TTI1: variants seen among roughly 807,000 people sequenced by gnomAD.
TTI1 encodes TELO2 interacting protein 1, also known as TELO2-interacting protein 1 homolog.
TTI1 carries 52 observed loss-of-function variants against 85.4 expected under a neutral mutation model. That is an observed-to-expected ratio of 0.61 (90% CI 0.49 to 0.77). TTI1 has a LOEUF of 0.77. Among genes scored for constraint, TTI1 ranks in the 30% least tolerant of loss-of-function variants. TTI1 has a pLI of 0.00. For synonymous variants in TTI1, 512 were observed against 503.9 expected, an observed-to-expected ratio of 1.02 and a Z score of -0.22; for missense variants, 1,173 against 1,296.0, an observed-to-expected ratio of 0.91 and a Z score of 1.46.
intron 2 of TTI1, among the ~76,000 whole-genome samples, chr20:38,010,945 TA>T (rs2073577530): frequency 6.6e-6 from 1 of 152,216 alleles, no homozygotes; most frequent in Non-Finnish European, 1.5e-5. Flanking sequence ...TAAAATTAAG[TA>T]AAATATAGAA....
intron 1 of TTI1, among the ~76,000 whole-genome samples, chr20:38,027,923 C>CA (rs887975125): frequency 5.4e-5 from 8 of 149,136 alleles, no homozygotes; most frequent in African/African-American, 9.9e-5. Flanking sequence ...GGCTCCATCT[C>CA]AAAAAAAAAG....
chr20:37,983,674 CAG>C, intron 7 of TTI1, 35 bp from the exon 8 acceptor site: 2 of 1,453,708 alleles, frequency 1.4e-6, no homozygotes, highest in Non-Finnish European at 1.8e-6. Context: ...GTAGAGGGTA[CAG>C]AGAGGGAAGG....
intron 2 of TTI1, among the ~76,000 whole-genome samples, chr20:38,011,223 T>C (rs893415068): frequency 6.6e-6 from 1 of 152,222 alleles, no homozygotes; most frequent in Non-Finnish European, 1.5e-5. Context: ...CCTGGCTAAG[T>C]AGGATGTCAC....
At chr20:38,032,507 A>G (rs1244718805) in intron 1 of TTI1, among the ~76,000 whole-genome samples, 1 of 152,204 alleles carries the variant, frequency 6.6e-6, no homozygotes, top group African/African-American at 2.4e-5. Context: ...AGTAAGAAAA[A>G]CAAAATTTCT....
intron 7 of TTI1, among the ~76,000 whole-genome samples, chr20:37,991,461 C>T (rs1328530834): frequency 2.0e-5 from 3 of 152,186 alleles, no homozygotes; most frequent in Non-Finnish European, 4.4e-5. Context: ...CTGTGTTCGT[C>T]CAGGGTTTGA....
At position 37,999,222 on chromosome 20, in the gene TTI1, C is replaced by T. The variant is rs765540543; in HGVS notation, c.2759G>A (p.Arg920Gln). ...AWPSLVHRLT[R>Q]DAPLAVLRAF... The stretch of plus-strand genomic sequence containing the variant: ...TCTAAGCACTGCCAGGGGGGCGTCC[C>T]GTGTGAGTCGGTGAACGAGCGAGGG... The change falls in exon 5 of 8, where the codon CGG (arginine) becomes CAG (glutamine). Residue 920 changes from arginine to glutamine, a missense_variant. Physicochemically the swap from Arg to Gln is conservative, Grantham distance 43. Transcript: ENST00000373447. The T allele has an allele frequency of 4.6e-6, 7 of 1,508,564 alleles. No homozygotes were observed. The highest frequency in any genetic ancestry group is 2.2e-5 in the Admixed American group (1 of 45,476). 93.4% of individuals were successfully genotyped at this position (1,508,564 alleles called of 1,614,324 possible).
At chr20:38,026,131 G>C (rs1373673208) in intron 1 of TTI1, among the ~76,000 whole-genome samples, 1 of 152,082 alleles carries the variant, frequency 6.6e-6, no homozygotes, top group East Asian at 1.9e-4. Context: ...AAAGCATCCA[G>C]AGAAAAATTA....
intron 1 of TTI1, among the ~76,000 whole-genome samples, chr20:38,029,733 A>G (rs2073882094): frequency 6.6e-6 from 1 of 152,212 alleles, no homozygotes. Flanking sequence ...ACTCATGTTG[A>G]AATTTAATTC....
chr20:38,017,099 G>C (rs944409883), intron 1 of TTI1, among the ~76,000 whole-genome samples: 1 of 152,146 alleles, frequency 6.6e-6, no homozygotes, highest in Non-Finnish European at 1.5e-5. Context: ...TTGGCATGCT[G>C]TATTATTTGT....
At chr20:38,017,443 C>CGT (rs1814638952) in intron 1 of TTI1, among the ~76,000 whole-genome samples, 1 of 132,934 alleles carries the variant, frequency 7.5e-6, no homozygotes, top group African/African-American at 3.0e-5. Flanking sequence ...TGTGCGCGCG[C>CGT]GCCTTTGGTG....
intron 4 of TTI1, among the ~76,000 whole-genome samples, chr20:38,001,039 A>G (rs1364898187): frequency 1.3e-5 from 2 of 152,150 alleles, no homozygotes; most frequent in East Asian, 3.9e-4. Flanking sequence ...AGAACGTGCT[A>G]TTACCTTGAC....
intron 2 of TTI1, among the ~76,000 whole-genome samples, chr20:38,010,408 T>G (rs1055295117): frequency 6.6e-6 from 1 of 152,264 alleles, no homozygotes; most frequent in East Asian, 1.9e-4. Context: ...CATTGAAAGA[T>G]TGACTATCCA....
chr20:37,996,382 C>A lies in TTI1; in HGVS notation c.3079G>T (p.Ala1027Ser), dbSNP rs769011951. ...GTGATCAGGCAGACGTACCTCCTGGCAGCCTCTTGTAATTTCACGGGCTGT... is the reference window on the plus strand; with the variant it reads ...GTGATCAGGCAGACGTACCTCCTGGAAGCCTCTTGTAATTTCACGGGCTGT... ...VKQPVKLQEAARSVFLHLMKV... is the reference protein window; with the variant it reads ...VKQPVKLQEASRSVFLHLMKV... Residue 1027 changes from alanine (A) to serine (S), a missense_variant, in exon 7 of 8, where the codon GCC becomes TCC. Coordinates refer to ENST00000373447, the MANE Select transcript of TTI1 (RefSeq NM_001303457.2). The A allele has an allele frequency of 4.3e-5, 69 of 1,614,098 alleles. No homozygotes were observed. The highest frequency in any genetic ancestry group is 5.8e-5 in the Non-Finnish European group (68 of 1,179,998).
intron 3 of TTI1, among the ~76,000 whole-genome samples, chr20:38,003,443 T>C (rs2073453635): frequency 6.6e-6 from 1 of 152,188 alleles, no homozygotes. Flanking sequence ...ACTTCAGTTT[T>C]TTTCCCTATG....
intron 1 of TTI1, among the ~76,000 whole-genome samples, chr20:38,032,044 T>C (rs867275244): frequency 6.6e-5 from 10 of 152,344 alleles, no homozygotes; most frequent in Middle Eastern, 3.4e-3. Context: ...GATTTTAGGT[T>C]ACTCACCTCT....
chr20:37,993,534 C>A lies in TTI1; in HGVS notation c.3086+2841G>T, dbSNP rs972829946. Among the ~76,000 whole-genome samples the A allele has an allele frequency of 2.6e-5, 4 of 152,224 alleles. No individual in the cohort carries two copies. The East Asian group carries it at 5.8e-4, about 22-fold the overall frequency. On this transcript the variant is annotated intron_variant, in intron 7 of 7. Coordinates refer to ENST00000373447, the MANE Select transcript of TTI1 (RefSeq NM_001303457.2). ...CATGGGGCTGCTAAGTCTGCCTCCACCCCAACTCGATGAAGGCGCCCCTTG... is the reference window on the plus strand; with the variant it reads ...CATGGGGCTGCTAAGTCTGCCTCCAACCCAACTCGATGAAGGCGCCCCTTG...
chr20:38,011,568 T>C lies in TTI1; in HGVS notation c.2249A>G (p.Asp750Gly), dbSNP rs569555293. The part of the protein sequence containing the change: ...DVLATLDQFY[D>G]KRAASFVSVL... Reference sequence around the variant, plus strand: ...GCTGACAAAGGAAGCAGCTCTCTTATCGTAAAATTGGTCCAGGGTGGCCAA... The same window carrying C: ...GCTGACAAAGGAAGCAGCTCTCTTACCGTAAAATTGGTCCAGGGTGGCCAA... Residue 750 changes from aspartate to glycine, a missense_variant, in exon 2 of 8, where the codon GAT becomes GGT. Physicochemically the swap from Asp to Gly is moderately conservative, Grantham distance 94. Transcript: ENST00000373447. The C allele has an allele frequency of 1.9e-5, 31 of 1,614,060 alleles. No individual in the cohort carries two copies. The highest frequency in any genetic ancestry group is 2.6e-5 in the Non-Finnish European group (31 of 1,180,034).
chr20:37,993,876 G>A (rs1365678226), intron 7 of TTI1, among the ~76,000 whole-genome samples: 4 of 152,234 alleles, frequency 2.6e-5, no homozygotes, highest in African/African-American at 9.6e-5. Context: ...CTGCAGTATG[G>A]AGAATACCTA....
rs1398522858 is a variant in TTI1, at chr20:37,999,464, G to A, written c.2653-136C>T. The A allele has an allele frequency of 1.3e-5, 12 of 951,852 alleles. No individual in the cohort carries two copies. In the East Asian group the frequency reaches 3.6e-4, roughly 29 times the overall value. 59.0% of individuals were successfully genotyped at this position (951,852 alleles called of 1,614,324 possible). A position where few individuals can be genotyped will look rare whatever the true frequency, so the allele number is the denominator to read the frequency against. Reference sequence around the variant, plus strand: ...TTTCTGAGTGCTGACTACATGCCAAGCACTAGCTAGGTACTGAGGGGACAC... The same window carrying A: ...TTTCTGAGTGCTGACTACATGCCAAACACTAGCTAGGTACTGAGGGGACAC... On this transcript the variant is annotated intron_variant, in intron 4 of 7. Coordinates refer to ENST00000373447, the MANE Select transcript of TTI1 (RefSeq NM_001303457.2).
Sources: gnomAD v4.1 joint callset for allele counts (sites outside exome capture counted in the v4.1 genomes callset) on GRCh38, gnomAD v4.1.1 for gene constraint, MANE v1.5 for transcripts, NCBI Gene and HGNC (gene_info 2026-07-23, HGNC 2026-07-21) for gene names.